CCSER2: variants seen among roughly 807,000 people sequenced by gnomAD.
The protein encoded by CCSER2 is serine-rich coiled-coil domain-containing protein 2.
CCSER2 carries 46 observed loss-of-function variants against 92.3 expected under a neutral mutation model. That is an observed-to-expected ratio of 0.50 (90% CI 0.39 to 0.64). CCSER2 has a LOEUF of 0.64. Among genes scored for constraint, CCSER2 ranks in the 30% least tolerant of loss-of-function variants. The pLI is 0.00. For synonymous variants in CCSER2, 433 were observed against 431.4 expected, an observed-to-expected ratio of 1.00 and a Z score of -0.04; for missense variants, 1,244 against 1,238.9, an observed-to-expected ratio of 1.00 and a Z score of -0.06.
At chr10:84,347,519 C>G (rs1400101906) in intron 1 of CCSER2, among the ~76,000 whole-genome samples, 2 of 150,662 alleles carry the variant, frequency 1.3e-5, no homozygotes, top group Admixed American at 1.3e-4. Context: ...CCCCCCACCT[C>G]CCTCCCGGAC....
At chr10:84,332,892 ATTTTC>A (rs1326476571) in intron 1 of CCSER2, among the ~76,000 whole-genome samples, 1 of 151,906 alleles carries the variant, frequency 6.6e-6, no homozygotes, top group East Asian at 1.9e-4. Flanking sequence ...GCATACTTTT[ATTTTC>A]TTAAGCTTCT....
At chr10:84,501,726 T>C (rs1848731042) in intron 9 of CCSER2, among the ~76,000 whole-genome samples, 1 of 144,734 alleles carries the variant, frequency 6.9e-6, no homozygotes, top group Non-Finnish European at 1.5e-5. Context: ...CTTTTTTTTT[T>C]TTTTAAACCT....
intron 1 of CCSER2, among the ~76,000 whole-genome samples, chr10:84,345,521 T>A (rs1022992537): frequency 2.0e-5 from 3 of 152,218 alleles, no homozygotes; most frequent in Non-Finnish European, 4.4e-5. Flanking sequence ...TTGAGTACTC[T>A]TCTATTTGGC....
intron 9 of CCSER2, 90 bp from the exon 10 acceptor site, chr10:84,513,359 T>G: frequency 1.0e-6 from 1 of 1,000,192 alleles, no homozygotes; most frequent in South Asian, 1.7e-5. Context: ...AAAGCCATAA[T>G]AAGTACCAAC....
At chr10:84,368,405 A>AAT (rs143857381) in intron 1 of CCSER2, among the ~76,000 whole-genome samples, 15 of 151,402 alleles carry the variant, frequency 9.9e-5, no homozygotes, top group Middle Eastern at 3.5e-3. Flanking sequence ...CATACACACA[A>AAT]ATATATATAT....
In CCSER2 at chr10:84,428,002, A is replaced by G. The variant is rs567487223; in HGVS notation, c.1868+2109A>G. Among the ~76,000 whole-genome samples, 50 of 151,978 alleles carry G rather than the reference A, an allele frequency of 3.3e-4. No homozygotes were observed. In the Middle Eastern group the frequency reaches 0.024, roughly 72 times the overall value. On this transcript the variant is annotated intron_variant, in intron 5 of 9. Coordinates refer to ENST00000372088, the MANE Select transcript of CCSER2 (RefSeq NM_001284240.2). ...AGACTTAGGGCATTTGGCTGTATCA[A>G]CTCTTCTTTACTGGTTCCTACCTGG...
At chr10:84,492,841 C>G (rs910042921) in intron 9 of CCSER2, among the ~76,000 whole-genome samples, 2 of 152,006 alleles carry the variant, frequency 1.3e-5, no homozygotes, top group African/African-American at 4.8e-5. Flanking sequence ...TTTATATATT[C>G]CTGAATTCTA....
At chr10:84,401,326 A>G (rs1346318753) in intron 3 of CCSER2, among the ~76,000 whole-genome samples, 1 of 152,224 alleles carries the variant, frequency 6.6e-6, no homozygotes, top group East Asian at 1.9e-4. Context: ...TGACAAAGGC[A>G]TAGTGAAACA....
intron 1 of CCSER2, among the ~76,000 whole-genome samples, chr10:84,365,434 G>A (rs17103370): frequency 0.21 from 31,958 of 152,118 alleles, 3,615 homozygotes; most frequent in Admixed American, 0.34. Context: ...GCTCATCAAC[G>A]AATGAAGTGA....
rs1564595426 is a variant in CCSER2 at position 84,358,667 on chromosome 10, C to CATATAT, written c.-39-12346_-39-12341dup. On this transcript the variant is annotated intron_variant, in intron 1 of 9. Coordinates refer to ENST00000372088, the MANE Select transcript of CCSER2 (RefSeq NM_001284240.2). The stretch of plus-strand genomic sequence containing the variant: ...ATATGTGTATATATATATACATATA[C>CATATAT]ATATATGTATATATATATACACACA... 5.5e-4 allele frequency among the ~76,000 whole-genome samples: 81 copies of CATATAT among 146,186 alleles called. 1 individual carries two copies. The highest frequency in any genetic ancestry group is 1.4e-3 in the Admixed American group (21 of 14,516).
intron 1 of CCSER2, among the ~76,000 whole-genome samples, chr10:84,367,378 G>T (rs1845828947): frequency 1.4e-5 from 2 of 145,026 alleles, no homozygotes; most frequent in Non-Finnish European, 1.5e-5. Context: ...TTTTCTCCTC[G>T]ATACTTTTTT....
intron 8 of CCSER2, among the ~76,000 whole-genome samples, chr10:84,475,528 C>CA (rs1847088622): frequency 6.6e-6 from 1 of 152,092 alleles, no homozygotes; most frequent in Non-Finnish European, 1.5e-5. Flanking sequence ...AAGTGATACT[C>CA]ATTCAGTAAG....
intron 9 of CCSER2, among the ~76,000 whole-genome samples, chr10:84,506,846 TTATAA>T (rs1336205691): frequency 2.1e-5 from 3 of 144,618 alleles, no homozygotes; most frequent in African/African-American, 5.2e-5. Context: ...TTATTTAATC[TTATAA>T]TATGCAGAAG....
intron 1 of CCSER2, among the ~76,000 whole-genome samples, chr10:84,368,295 T>G (rs1349042727): frequency 6.6e-6 from 1 of 152,172 alleles, no homozygotes; most frequent in East Asian, 1.9e-4. Context: ...CATACAGAAT[T>G]TTTTTCTGTC....
At chr10:84,365,824 G>A (rs1845749586) in intron 1 of CCSER2, among the ~76,000 whole-genome samples, 1 of 152,114 alleles carries the variant, frequency 6.6e-6, no homozygotes, top group East Asian at 1.9e-4. Context: ...AAGCCTTTCT[G>A]ACTCACAGGC....
intron 3 of CCSER2, chr10:84,391,080 G>A (rs1841492025): frequency 1.3e-6 from 1 of 779,646 alleles, no homozygotes; most frequent in African/African-American, 1.7e-5. Context: ...ATATTCAGAT[G>A]CTAATGCCTC....
chr10:84,347,708 C>T (rs1844597537), intron 1 of CCSER2, among the ~76,000 whole-genome samples: 2 of 149,802 alleles, frequency 1.3e-5, no homozygotes, highest in South Asian at 2.1e-4. Context: ...GACGGGGCGG[C>T]TGCTGGGCGG....
intron 1 of CCSER2, among the ~76,000 whole-genome samples, chr10:84,339,327 T>C (rs1466623185): frequency 6.6e-6 from 1 of 151,868 alleles, no homozygotes; most frequent in Non-Finnish European, 1.5e-5. Flanking sequence ...CTAATGCACA[T>C]GTGATGTTTC....
At chr10:84,388,245 C>G (rs1215956951) in intron 3 of CCSER2, among the ~76,000 whole-genome samples, 1 of 152,110 alleles carries the variant, frequency 6.6e-6, no homozygotes, top group African/African-American at 2.4e-5. Context: ...TAAGTTTCTT[C>G]TTAGTATGAA....
Sources: gnomAD v4.1 joint callset for allele counts (sites outside exome capture counted in the v4.1 genomes callset) on GRCh38, gnomAD v4.1.1 for gene constraint, MANE v1.5 for transcripts, NCBI Gene and HGNC (gene_info 2026-07-23, HGNC 2026-07-21) for gene names.